DENND4C: variants seen among roughly 807,000 people sequenced by gnomAD.
The protein encoded by DENND4C is DENN domain-containing protein 4C.
In DENND4C, 108 loss-of-function variants were observed where a neutral mutation model predicts 203.0. The observed-to-expected ratio is 0.53, with a 90% CI of 0.46 to 0.62. DENND4C has a LOEUF of 0.62. DENND4C is among the 20% of genes least tolerant of loss of function. The pLI is 0.00. For missense variants in DENND4C, 2,481 were observed against 2,301.2 expected (o/e 1.08, Z -1.60); for synonymous variants, 871 against 792.4 (o/e 1.10, Z -1.67).
intron 1 of DENND4C, among the ~76,000 whole-genome samples, chr9:19,231,438 T>TC (rs1820528902): frequency 6.6e-6 from 1 of 151,996 alleles, no homozygotes; most frequent in African/African-American, 2.4e-5. Context: ...GAGGGCAGTA[T>TC]CCTTTTAACT....
In DENND4C at chr9:19,339,694, C is replaced by A. The variant is rs146051016; in HGVS notation, c.2882-1298C>A. Among the ~76,000 whole-genome samples, 203 of 152,274 alleles carry A rather than the reference C, an allele frequency of 1.3e-3. 3 individuals carry two copies. In the East Asian group the frequency reaches 0.034, roughly 25 times the overall value. Reference sequence around the variant, plus strand: ...ACACTCTGAGACAATGTGCTAATATCCTTTCTCATGACACTTTCTCTTTTA... The same window carrying A: ...ACACTCTGAGACAATGTGCTAATATACTTTCTCATGACACTTTCTCTTTTA... On this transcript the variant is annotated intron_variant, in intron 20 of 32. Coordinates refer to ENST00000434457, the MANE Select transcript of DENND4C (RefSeq NM_001330640.2).
intron 2 of DENND4C, among the ~76,000 whole-genome samples, chr9:19,280,866 G>A (rs142125889): frequency 6.6e-6 from 1 of 152,048 alleles, no homozygotes; most frequent in East Asian, 1.9e-4. Flanking sequence ...TCAGCCTCCC[G>A]AGTAGCTGGG....
chr9:19,339,064 C>A (rs1563819059), intron 20 of DENND4C, among the ~76,000 whole-genome samples: 1 of 152,124 alleles, frequency 6.6e-6, no homozygotes. Flanking sequence ...ACTCTCATAT[C>A]TTTTATCTAG....
chr9:19,351,821 AAAAG>A (rs1326279423), intron 24 of DENND4C, among the ~76,000 whole-genome samples: 46 of 147,206 alleles, frequency 3.1e-4, no homozygotes, highest in Non-Finnish European at 6.0e-4. Context: ...AAAAAAAAAG[AAAAG>A]AAAAAAAAAT....
rs142191750 is a variant in DENND4C, at chr9:19,332,142, A to G, written c.2418A>G (p.Val806=). The G allele has an allele frequency of 1.9e-6, 3 of 1,614,030 alleles. No homozygotes were observed. Among genetic ancestry groups the G allele is most frequent in the Admixed American group, 1.7e-5 (1 of 60,018 alleles). ...GAGCACTTCAGCAGGCATATGATGT[A>G]CTTATTAAGATGAGGAAAACAGATG... ...KVRALQQAYD[V]LIKMRKTDVD... The change falls in exon 17 of 33, where the codon GTA becomes GTG. Residue 806 remains valine (V), a synonymous_variant. Coordinates refer to ENST00000434457, the MANE Select transcript of DENND4C (RefSeq NM_001330640.2).
chr9:19,336,136 T>C, intron 18 of DENND4C, 134 bp from the exon 19 acceptor site: 1 of 725,290 alleles, frequency 1.4e-6, no homozygotes, highest in East Asian at 3.2e-5. Flanking sequence ...CATTTTTTAA[T>C]ATACCTCTTG....
intron 32 of DENND4C, 86 bp downstream of exon 32, chr9:19,371,906 A>G (rs1024646597): frequency 2.1e-5 from 27 of 1,299,116 alleles, no homozygotes; most frequent in South Asian, 1.1e-4. Flanking sequence ...GGTATGTATA[A>G]AAGATTTAAA....
Position 19,368,113 on chromosome 9 carries a change from T to TTGAGACTTA in DENND4C, c.5525-1722_5525-1714dup, listed in dbSNP as rs374492580. Among the ~76,000 whole-genome samples the TTGAGACTTA allele has an allele frequency of 2.4e-3, 358 of 152,288 alleles. 2 individuals carry two copies. Among genetic ancestry groups the TTGAGACTTA allele is most frequent in the African/African-American group, 8.2e-3 (341 of 41,550 alleles). On this transcript the variant is annotated intron_variant, in intron 30 of 32. Transcript: ENST00000434457. ...TATTTAAATTGGTGTAATGTTTGGTTTGAGACTTATCTCAATAATTGTGAA... is the reference window on the plus strand; with the variant it reads ...TATTTAAATTGGTGTAATGTTTGGTTTGAGACTTATGAGACTTATCTCAATAATTGTGAA...
At chr9:19,251,460 C>G (rs1268614408) in intron 1 of DENND4C, among the ~76,000 whole-genome samples, 1 of 152,228 alleles carries the variant, frequency 6.6e-6, no homozygotes, top group Non-Finnish European at 1.5e-5. Context: ...AGACATTTTC[C>G]CCCTCTGTCT....
chr9:19,278,026 AAT>A (rs1297702845), intron 2 of DENND4C, among the ~76,000 whole-genome samples: 1 of 149,878 alleles, frequency 6.7e-6, no homozygotes, highest in African/African-American at 2.4e-5. Context: ...TTAATTCCTT[AAT>A]ATTATCACAT....
At chr9:19,267,327 C>G (rs1243528323) in intron 1 of DENND4C, among the ~76,000 whole-genome samples, 1 of 152,168 alleles carries the variant, frequency 6.6e-6, no homozygotes, top group Non-Finnish European at 1.5e-5. Context: ...GTTACATCCT[C>G]TTGCTGAATT....
rs144558008 is a variant in DENND4C at position 19,262,779 on chromosome 9, G to T, written c.-17-13379G>T. 4.0e-3 allele frequency among the ~76,000 whole-genome samples: 604 copies of T among 152,018 alleles called. 1 individual carries two copies. The highest frequency in any genetic ancestry group is 7.2e-3 in the Non-Finnish European group (488 of 67,974). On this transcript the variant is annotated intron_variant, in intron 1 of 32. Coordinates refer to ENST00000434457, the MANE Select transcript of DENND4C (RefSeq NM_001330640.2). ...AGATGGGGTTTCACCATGTTGGCCAGGCTGGTCTCAAACTCCTGACCTCAA... is the reference window on the plus strand; with the variant it reads ...AGATGGGGTTTCACCATGTTGGCCATGCTGGTCTCAAACTCCTGACCTCAA...
chr9:19,247,014 C>T (rs1281488195), intron 1 of DENND4C, among the ~76,000 whole-genome samples: 1 of 152,142 alleles, frequency 6.6e-6, no homozygotes, highest in East Asian at 1.9e-4. Context: ...TGCACTCCCA[C>T]CAACTGAAAT....
chr9:19,360,591 T>G (rs1218192224), intron 29 of DENND4C, 102 bp downstream of exon 29: 2 of 1,444,296 alleles, frequency 1.4e-6, no homozygotes, highest in African/African-American at 2.9e-5. Flanking sequence ...AAGACAGATT[T>G]ATTTCTCTCT....
rs903504411 is a variant in DENND4C, at chr9:19,311,208, C to G, written c.1488-5209C>G. 2.6e-5 allele frequency among the ~76,000 whole-genome samples: 4 copies of G among 152,232 alleles called. No homozygotes were observed. The South Asian group carries it at 8.3e-4, about 32-fold the overall frequency. On this transcript the variant is annotated intron_variant, in intron 10 of 32. Transcript: ENST00000434457. ...GCCCAATCTTGGCTCACTGCAACCTCCACCTCCTGGGTTCAAGCAATTCTT... is the reference window on the plus strand; with the variant it reads ...GCCCAATCTTGGCTCACTGCAACCTGCACCTCCTGGGTTCAAGCAATTCTT...
At chr9:19,280,992 C>A (rs541490795) in intron 2 of DENND4C, among the ~76,000 whole-genome samples, 4 of 152,136 alleles carry the variant, frequency 2.6e-5, no homozygotes, top group African/African-American at 9.7e-5. Flanking sequence ...CTGCTCACCT[C>A]GGCCTCCCGA....
chr9:19,317,002 G>T (rs1050441990), intron 12 of DENND4C, among the ~76,000 whole-genome samples, 163 bp downstream of exon 12: 2 of 152,018 alleles, frequency 1.3e-5, no homozygotes, highest in Non-Finnish European at 2.9e-5. Flanking sequence ...AGAATTTCTT[G>T]TAATTTTTAT....
At chr9:19,336,185 A>AT in intron 18 of DENND4C, 85 bp from the exon 19 acceptor site, 47 of 1,223,618 alleles carry the variant, frequency 3.8e-5, no homozygotes, top group Non-Finnish European at 4.4e-5. Flanking sequence ...ATATATATAT[A>AT]AACATACACA....
rs751876009 is a variant in DENND4C at position 19,324,530 on chromosome 9, G to A, written c.1953+23G>A. Reference sequence around the variant, plus strand: ...AAGGTAAAAGTTTGTACTTATACTAGTGTTTAGAAAAAAAAGTTTGCCTTA... The same window carrying A: ...AAGGTAAAAGTTTGTACTTATACTAATGTTTAGAAAAAAAAGTTTGCCTTA... On this transcript the variant is annotated intron_variant, in intron 13 of 32. Transcript: ENST00000434457. The A allele has an allele frequency of 5.7e-6, 9 of 1,587,386 alleles. No individual in the cohort carries two copies. The East Asian group carries it at 1.8e-4, about 32-fold the overall frequency.
Sources: gnomAD v4.1 joint callset for allele counts (sites outside exome capture counted in the v4.1 genomes callset) on GRCh38, gnomAD v4.1.1 for gene constraint, MANE v1.5 for transcripts, NCBI Gene and HGNC (gene_info 2026-07-23, HGNC 2026-07-21) for gene names.